GABRG3: variants seen among roughly 807,000 people sequenced by gnomAD.
GABRG3 encodes the protein gamma-aminobutyric acid receptor subunit gamma-3.
GABRG3 carries 25 observed loss-of-function variants against 48.8 expected under a neutral mutation model. The ratio of observed to expected loss-of-function variants is 0.51; its 90% CI spans 0.37 to 0.72. The LOEUF is 0.72. Among genes scored for constraint, GABRG3 ranks in the 30% least tolerant of loss-of-function variants. The probability of loss-of-function intolerance (pLI) is 0.00; values close to 1 mark genes in which losing one functional copy is unlikely to be tolerated. For missense variants in GABRG3, 394 were observed against 577.9 expected (o/e 0.68, Z 3.26); for synonymous variants, 227 against 217.6 (o/e 1.04, Z -0.38).
At chr15:27,483,381 A>G (rs1226564575) in intron 6 of GABRG3, 1 of 152,158 alleles carries the variant, frequency 6.6e-6, no homozygotes. Context: ...TCCTCTTTCT[A>G]TAGAAACACC....
In GABRG3 at chr15:27,535,953, C is replaced by T. The variant is rs190266467; in HGVS notation, c.*3072C>T. 1.2e-4 allele frequency: 19 copies of T among 152,370 alleles called. No homozygotes were observed. The highest frequency in any genetic ancestry group is 8.5e-4 in the Admixed American group (13 of 15,300). The allele number at this position is 152,370 out of a possible 1,614,324, so 9.4% of individuals were successfully genotyped here. ...TGCAAGGCTGTTCCACACAGCTAAG[C>T]CCCAGCTTGCTTTGCATGCAGAATT... On this transcript the variant is annotated 3_prime_UTR_variant, in exon 10 of 10. Transcript: ENST00000615808.
At position 27,352,080 on chromosome 15, in the gene GABRG3, GTGCA is replaced by G. The variant is rs1308535585; in HGVS notation, c.574+23195_574+23198del. On this transcript the variant is annotated intron_variant, in intron 5 of 9. Coordinates refer to ENST00000615808, the MANE Select transcript of GABRG3 (RefSeq NM_033223.5). The surrounding 1 kb of genome is among the most constrained non-coding windows in gnomAD (Gnocchi z 4.0). ...TGTGTGTATCGTGTGTGTGTGTATG[GTGCA>G]TGTGTGTGTATGATGTGTGTATGTA... 6.7e-6 allele frequency among the ~76,000 whole-genome samples: 1 copy of G among 150,102 alleles called. No homozygotes were observed. Among genetic ancestry groups the G allele is most frequent in the Non-Finnish European group, 1.5e-5 (1 of 67,388 alleles).
At chr15:27,383,850 A>G (rs950281782) in intron 5 of GABRG3, among the ~76,000 whole-genome samples, 1 of 152,244 alleles carries the variant, frequency 6.6e-6, no homozygotes, top group African/African-American at 2.4e-5. Flanking sequence ...CTTGTATATA[A>G]TAAAACAAAG....
chr15:26,995,124 A>C (rs1476444114), intron 2 of GABRG3, among the ~76,000 whole-genome samples: 2 of 152,066 alleles, frequency 1.3e-5, no homozygotes, highest in Admixed American at 1.3e-4. Flanking sequence ...AGGTTATTTT[A>C]GGCTGAGTTG....
intron 3 of GABRG3, among the ~76,000 whole-genome samples, chr15:27,064,933 T>G (rs1254006720): frequency 6.6e-6 from 1 of 152,360 alleles, no homozygotes; most frequent in East Asian, 1.9e-4. Context: ...TGTTCCTTTT[T>G]TAATTAATAT....
intron 3 of GABRG3, among the ~76,000 whole-genome samples, chr15:27,092,882 C>G (rs1459122483): frequency 1.3e-5 from 2 of 151,942 alleles, no homozygotes; most frequent in African/African-American, 4.8e-5. Context: ...ACCAGTATCT[C>G]CATCCACAGG....
intron 5 of GABRG3, among the ~76,000 whole-genome samples, chr15:27,348,025 T>C (rs1894433064): frequency 6.6e-6 from 1 of 151,944 alleles, no homozygotes; most frequent in Non-Finnish European, 1.5e-5. Context: ...TTTGATACCA[T>C]AAGTCCTTGC....
chr15:27,159,641 G>A (rs567445318), intron 3 of GABRG3, among the ~76,000 whole-genome samples: 2 of 152,060 alleles, frequency 1.3e-5, no homozygotes, highest in Admixed American at 6.5e-5. Flanking sequence ...TCCTGGAAAC[G>A]CTAGACTTTC....
In GABRG3 at chr15:27,218,578, A is replaced by G. The variant is rs189029092; in HGVS notation, c.271-108231A>G. Among the ~76,000 whole-genome samples the G allele has an allele frequency of 2.0e-4, 30 of 151,820 alleles. No individual in the cohort carries two copies. In the East Asian group the frequency reaches 5.5e-3, roughly 28 times the overall value. On this transcript the variant is annotated intron_variant, in intron 3 of 9. Coordinates refer to ENST00000615808, the MANE Select transcript of GABRG3 (RefSeq NM_033223.5). ...TGTGTTTCCGTTGCTCAGCGTCTCCACTCGGTTCCCATCTGTCTGACTCAG... is the reference window on the plus strand; with the variant it reads ...TGTGTTTCCGTTGCTCAGCGTCTCCGCTCGGTTCCCATCTGTCTGACTCAG...
chr15:27,441,285 T>C (rs1888776427), intron 5 of GABRG3, among the ~76,000 whole-genome samples: 1 of 152,208 alleles, frequency 6.6e-6, no homozygotes, highest in African/African-American at 2.4e-5. Context: ...CTTAAATCTC[T>C]AGCAGGGAAT....
At chr15:27,077,871 G>C (rs1896934695) in intron 3 of GABRG3, among the ~76,000 whole-genome samples, 1 of 152,200 alleles carries the variant, frequency 6.6e-6, no homozygotes, top group Non-Finnish European at 1.5e-5. Context: ...GTGGAGGGCA[G>C]TTCTCAGCAT....
chr15:27,312,484 A>G (rs1893028973), intron 3 of GABRG3, among the ~76,000 whole-genome samples: 1 of 152,182 alleles, frequency 6.6e-6, no homozygotes, highest in African/African-American at 2.4e-5. Context: ...GCATACTGAG[A>G]TACATTATAA....
chr15:27,344,131 G>A (rs1459864642), intron 5 of GABRG3, among the ~76,000 whole-genome samples: 9 of 152,194 alleles, frequency 5.9e-5, no homozygotes, highest in Non-Finnish European at 4.4e-5. Context: ...CTCATCTTAT[G>A]AATAATGTGA....
chr15:27,236,089 C>T lies in GABRG3; in HGVS notation c.271-90720C>T, dbSNP rs1889952789. Among the ~76,000 whole-genome samples the T allele has an allele frequency of 1.3e-5, 2 of 152,090 alleles. No homozygotes were observed. Among genetic ancestry groups the T allele is most frequent in the African/African-American group, 4.8e-5 (2 of 41,436 alleles). On this transcript the variant is annotated intron_variant, in intron 3 of 9. Coordinates refer to ENST00000615808, the MANE Select transcript of GABRG3 (RefSeq NM_033223.5). This position sits in a 1 kb window ranked among gnomAD's most constrained non-coding sequence, Gnocchi z 4.4. ...ATTTTGGGGTAGCATATTCTGGTCT[C>T]CTAGTTATATATATTTTTGGCTGGT...
chr15:26,980,755 T>C (rs1036661647), intron 2 of GABRG3, among the ~76,000 whole-genome samples: 6 of 152,174 alleles, frequency 3.9e-5, no homozygotes, highest in Non-Finnish European at 7.4e-5. Flanking sequence ...GTAAGAACTT[T>C]TCCTTTTTGT....
chr15:27,387,989 GGTAAGGAAGGAA>G (rs1289382461), intron 5 of GABRG3, among the ~76,000 whole-genome samples: 9 of 67,352 alleles, frequency 1.3e-4, no homozygotes, highest in African/African-American at 5.2e-4. Flanking sequence ...AAGGAGGGAG[GGTAAGGAAGGAA>G]GGAAGGAAGG....
intron 2 of GABRG3, among the ~76,000 whole-genome samples, chr15:26,979,027 A>G (rs1895003483): frequency 6.6e-6 from 1 of 152,198 alleles, no homozygotes; most frequent in African/African-American, 2.4e-5. Context: ...TCTAGTTTTC[A>G]AGAGGTATGT....
chr15:27,188,412 T>C (rs1197591541), intron 3 of GABRG3, among the ~76,000 whole-genome samples: 1 of 152,202 alleles, frequency 6.6e-6, no homozygotes, highest in African/African-American at 2.4e-5. Flanking sequence ...TTTTCATGAT[T>C]GCCATTCTAA....
At chr15:27,283,331 C>T (rs968311125) in intron 3 of GABRG3, among the ~76,000 whole-genome samples, 3 of 152,244 alleles carry the variant, frequency 2.0e-5, no homozygotes, top group Middle Eastern at 3.4e-3. Flanking sequence ...TGGCCGGGCA[C>T]GGTGGCTCAT....
Sources: gnomAD v4.1 joint callset for allele counts (sites outside exome capture counted in the v4.1 genomes callset) on GRCh38, gnomAD v4.1.1 for gene constraint, Gnocchi (gnomAD v3.1) non-coding constraint, MANE v1.5 for transcripts, NCBI Gene and HGNC (gene_info 2026-07-23, HGNC 2026-07-21) for gene names.